GABRA2: variants seen among roughly 807,000 people sequenced by gnomAD.
The protein encoded by GABRA2 is gamma-aminobutyric acid receptor subunit alpha-2.
In GABRA2, 16 loss-of-function variants were observed where a neutral mutation model predicts 48.7. The observed-to-expected ratio is 0.33, with a 90% CI of 0.22 to 0.50. GABRA2 has a LOEUF of 0.50. Among genes scored for constraint, GABRA2 ranks in the 20% least tolerant of loss-of-function variants. The probability of loss-of-function intolerance (pLI) is 0.98; values close to 1 mark genes in which losing one functional copy is unlikely to be tolerated. For missense variants in GABRA2, 275 were observed against 535.6 expected (o/e 0.51, Z 4.80); for synonymous variants, 185 against 184.5 (o/e 1.00, Z -0.02).
At position 46,364,483 on chromosome 4, in the gene GABRA2, A is replaced by G. The variant is rs552556014; in HGVS notation, c.187+21591T>C. Reference sequence around the variant, plus strand: ...CATGCTATGTCTTGGTTCTCTGCTCAGATTCTCACATGGCTGAAATCAAGG... The same window carrying G: ...CATGCTATGTCTTGGTTCTCTGCTCGGATTCTCACATGGCTGAAATCAAGG... On this transcript the variant is annotated intron_variant, in intron 3 of 9. Transcript: ENST00000381620. The G allele has an allele frequency of 2.6e-5, 4 of 152,342 alleles. No homozygotes were observed. The East Asian group carries it at 7.7e-4, about 29-fold the overall frequency. The allele number at this position is 152,342 out of a possible 1,614,324, so 9.4% of individuals were successfully genotyped here. A position where few individuals can be genotyped will look rare whatever the true frequency, so the allele number is the denominator to read the frequency against.
At chr4:46,337,170 C>T (rs1290641642) in intron 3 of GABRA2, among the ~76,000 whole-genome samples, 1 of 151,980 alleles carries the variant, frequency 6.6e-6, no homozygotes, top group African/African-American at 2.4e-5. Flanking sequence ...ATTTGTAATA[C>T]AAGAAATGTC....
chr4:46,321,716 T>C (rs1172698400), intron 4 of GABRA2, among the ~76,000 whole-genome samples: 2 of 151,986 alleles, frequency 1.3e-5, no homozygotes, highest in African/African-American at 2.4e-5. Flanking sequence ...AGTGAGATAA[T>C]ATTTGCAAAG....
rs911667604 is a variant in GABRA2 at position 46,266,847 on chromosome 4, G to A, written c.857-4719C>T. Among the ~76,000 whole-genome samples the A allele has an allele frequency of 6.2e-5, 9 of 146,290 alleles. No homozygotes were observed. In the East Asian group the frequency reaches 1.5e-3, roughly 24 times the overall value. On this transcript the variant is annotated intron_variant, in intron 8 of 9. Transcript: ENST00000381620. ...AGCAATTCTCCTGCCTCAGCCTCCC[G>A]AGTAGTTGGGATTACAGGCATGCAC... is the stretch of plus-strand genomic sequence containing the variant.
chr4:46,333,967 C>T (rs774787539), intron 3 of GABRA2, among the ~76,000 whole-genome samples: 3 of 152,062 alleles, frequency 2.0e-5, no homozygotes, highest in Non-Finnish European at 4.4e-5. Context: ...TTTCTATTCA[C>T]CAGAATACTC....
intron 9 of GABRA2, among the ~76,000 whole-genome samples, chr4:46,254,370 A>G (rs1715400619): frequency 6.6e-6 from 1 of 151,562 alleles, no homozygotes. Flanking sequence ...ATGATTAAAA[A>G]CAGTACTCAT....
At chr4:46,271,236 G>A (rs780382232) in intron 8 of GABRA2, among the ~76,000 whole-genome samples, 1 of 151,814 alleles carries the variant, frequency 6.6e-6, no homozygotes, top group African/African-American at 2.4e-5. Context: ...AGAAACAAAA[G>A]ATACTCTGAT....
At position 46,386,140 on chromosome 4, in the gene GABRA2, T is replaced by C. The variant is rs74611721; in HGVS notation, c.121A>G (p.Ile41Val). The change falls in exon 3 of 10, where the codon ATC becomes GTC. Residue 41 changes from isoleucine to valine, a missense_variant. By Grantham distance (29) the Ile-to-Val change is conservative. Transcript: ENST00000381620. ...AGTCTGTCAAGAATTCTCGTAAAGATGGTAATGTTATTTTTAGCCTCATCT... is the reference window on the plus strand; with the variant it reads ...AGTCTGTCAAGAATTCTCGTAAAGACGGTAATGTTATTTTTAGCCTCATCT... Reference protein sequence around the residue: ...QEDEAKNNITIFTRILDRLLD... With the variant: ...QEDEAKNNITVFTRILDRLLD... The C allele has an allele frequency of 2.5e-6, 4 of 1,612,072 alleles. No homozygotes were observed. Among genetic ancestry groups the C allele is most frequent in the Non-Finnish European group, 3.4e-6 (4 of 1,179,310 alleles).
chr4:46,332,120 T>C (rs990226905), intron 4 of GABRA2, among the ~76,000 whole-genome samples: 1 of 152,160 alleles, frequency 6.6e-6, no homozygotes, highest in African/African-American at 2.4e-5. Context: ...ATACCTACTA[T>C]GTGTGCAGAT....
chr4:46,387,474 C>A (rs1307225132), intron 2 of GABRA2, among the ~76,000 whole-genome samples: 1 of 152,068 alleles, frequency 6.6e-6, no homozygotes, highest in Non-Finnish European at 1.5e-5. Context: ...TTAAAGTATT[C>A]AAATGAAGAT....
chr4:46,339,689 G>A (rs185666180), intron 3 of GABRA2, among the ~76,000 whole-genome samples: 82 of 151,844 alleles, frequency 5.4e-4, no homozygotes, highest in South Asian at 1.5e-3. Flanking sequence ...CCAGGACATC[G>A]TAATCACTTT....
intron 3 of GABRA2, among the ~76,000 whole-genome samples, chr4:46,339,175 T>G (rs1020412119): frequency 6.6e-6 from 1 of 151,904 alleles, no homozygotes; most frequent in African/African-American, 2.4e-5. Context: ...TATCTACTCC[T>G]ATGGTAGACA....
chr4:46,260,562 A>G (rs1032568719), intron 9 of GABRA2, among the ~76,000 whole-genome samples: 4 of 151,926 alleles, frequency 2.6e-5, no homozygotes, highest in African/African-American at 9.7e-5. Flanking sequence ...CAAAATGTTT[A>G]TCTTTTGTGA....
At chr4:46,284,798 AT>A (rs1182004827) in intron 8 of GABRA2, among the ~76,000 whole-genome samples, 1 of 151,998 alleles carries the variant, frequency 6.6e-6, no homozygotes, top group East Asian at 1.9e-4. Context: ...TTTAAAAAAA[AT>A]TCATTAAAAT....
chr4:46,278,133 T>C (rs1002036170), intron 8 of GABRA2, among the ~76,000 whole-genome samples: 21 of 152,130 alleles, frequency 1.4e-4, no homozygotes, highest in African/African-American at 5.1e-4. Context: ...GAAATTTTAA[T>C]TCAAGAAAAA....
intron 4 of GABRA2, among the ~76,000 whole-genome samples, chr4:46,317,704 A>G (rs1463243200): frequency 6.6e-6 from 1 of 151,770 alleles, no homozygotes; most frequent in Non-Finnish European, 1.5e-5. Flanking sequence ...GAAACAAGAA[A>G]AAGAAATACC....
intron 8 of GABRA2, among the ~76,000 whole-genome samples, chr4:46,267,066 T>C (rs1367296438): frequency 6.6e-6 from 1 of 152,058 alleles, no homozygotes; most frequent in African/African-American, 2.4e-5. Flanking sequence ...TCTTGTTCTG[T>C]GACTACAGTA....
chr4:46,261,436 T>C (rs1426544916), intron 9 of GABRA2: 1 of 162,148 alleles, frequency 6.2e-6, no homozygotes, highest in Non-Finnish European at 1.4e-5. Context: ...TGGAATTCTA[T>C]AATAAGTAAA....
Position 46,312,723 on chromosome 4 carries a change from TA to T in GABRA2, c.256-8del, listed in dbSNP as rs376045789. 4.1e-5 allele frequency: 58 copies of T among 1,408,860 alleles called. No homozygotes were observed. The highest frequency in any genetic ancestry group is 5.3e-5 in the Non-Finnish European group (55 of 1,039,528). The allele number at this position is 1,408,860 out of a possible 1,614,324, so 87.3% of individuals were successfully genotyped here. A position where few individuals can be genotyped will look rare whatever the true frequency, so the allele number is the denominator to read the frequency against. On this transcript the variant is annotated splice_polypyrimidine_tract_variant and splice_region_variant and intron_variant, in intron 4 of 9. Coordinates refer to ENST00000381620, the MANE Select transcript of GABRA2 (RefSeq NM_000807.4). Reference sequence around the variant, plus strand: ...AAACATCAATTGTATATTCCTGAAATAAAAAATAGAATTTTTTTGAAAATAG... The same window carrying T: ...AAACATCAATTGTATATTCCTGAAATAAAAATAGAATTTTTTTGAAAATAG...
intron 8 of GABRA2, among the ~76,000 whole-genome samples, chr4:46,295,463 C>A (rs1296453090): frequency 6.6e-6 from 1 of 152,222 alleles, no homozygotes; most frequent in Non-Finnish European, 1.5e-5. Context: ...TGGGTGACCT[C>A]AGCAGAAGAG....
Sources: gnomAD v4.1 joint callset for allele counts (sites outside exome capture counted in the v4.1 genomes callset) on GRCh38, gnomAD v4.1.1 for gene constraint, MANE v1.5 for transcripts, NCBI Gene and HGNC (gene_info 2026-07-23, HGNC 2026-07-21) for gene names.